The following PTK2 variants were observed in gnomAD, a reference collection of about 807,000 sequenced individuals.
PTK2 encodes the protein focal adhesion kinase 1.
A neutral mutation model predicts 150.1 loss-of-function variants in PTK2; 45 were observed. The ratio of observed to expected loss-of-function variants is 0.30; its 90% confidence interval spans 0.24 to 0.38. The LOEUF (loss-of-function observed/expected upper bound fraction) is 0.38. Among genes scored for constraint, PTK2 ranks in the 10% least tolerant of loss-of-function variants. The pLI, the probability that PTK2 is intolerant of heterozygous loss-of-function variation, is 1.00. For missense variants in PTK2, 919 were observed against 1,307.3 expected (o/e 0.70, Z 4.58); for synonymous variants, 432 against 449.2 (o/e 0.96, Z 0.48).
intron 16 of PTK2, among the ~76,000 whole-genome samples, chr8:140,758,103 T>G (rs1433206161): frequency 6.6e-6 from 1 of 152,186 alleles, no homozygotes; most frequent in Non-Finnish European, 1.5e-5. Flanking sequence ...TACTTATTTA[T>G]TTTTTAGAGG....
chr8:140,893,604 AT>A (rs890446323), intron 2 of PTK2, among the ~76,000 whole-genome samples: 1 of 152,182 alleles, frequency 6.6e-6, no homozygotes, highest in Non-Finnish European at 1.5e-5. Context: ...AAGAAAGTAG[AT>A]TACTGGCTGC....
chr8:140,966,609 G>C (rs2154609531), intron 1 of PTK2, among the ~76,000 whole-genome samples: 1 of 152,254 alleles, frequency 6.6e-6, no homozygotes, highest in South Asian at 2.1e-4. Context: ...AACTAGCTCA[G>C]AGTATAAAGT....
intron 23 of PTK2, among the ~76,000 whole-genome samples, chr8:140,708,503 C>G (rs1241984365): frequency 6.6e-6 from 1 of 152,186 alleles, no homozygotes. Context: ...GGTACTTTTG[C>G]ACTTGCTCTA....
chr8:140,675,788 G>A (rs147493238), intron 27 of PTK2: 77 of 273,708 alleles, frequency 2.8e-4, no homozygotes, highest in African/African-American at 1.7e-3. Flanking sequence ...TTACACAGCT[G>A]AGGAGAATGT....
chr8:140,706,013 A>C, intron 24 of PTK2, 106 bp downstream of exon 27: 2 of 903,784 alleles, frequency 2.2e-6, no homozygotes, highest in African/African-American at 1.6e-5. Context: ...TATCGGCCAA[A>C]TCATACTCAT....
chr8:140,791,195 G>C (rs2100088235), intron 13 of PTK2, among the ~76,000 whole-genome samples: 1 of 151,926 alleles, frequency 6.6e-6, no homozygotes, highest in African/African-American at 2.4e-5. Context: ...TTAAGAAATG[G>C]GGTGGAGTCT....
intron 3 of PTK2, among the ~76,000 whole-genome samples, chr8:140,881,655 G>C (rs1442174219): frequency 6.6e-6 from 1 of 152,192 alleles, no homozygotes; most frequent in East Asian, 1.9e-4. Flanking sequence ...ATATAAGGCA[G>C]TAAGGAACAC....
intron 29 of PTK2, among the ~76,000 whole-genome samples, chr8:140,672,748 A>C (rs2100011338): frequency 6.6e-6 from 1 of 152,152 alleles, no homozygotes; most frequent in Non-Finnish European, 1.5e-5. Context: ...CTTTCTGATG[A>C]CTCTGAGAAG....
At chr8:140,827,437 A>C (rs143895713) in intron 8 of PTK2, among the ~76,000 whole-genome samples, 4 of 152,218 alleles carry the variant, frequency 2.6e-5, no homozygotes, top group African/African-American at 9.6e-5. Flanking sequence ...GAAAAAAAGC[A>C]CATGGGCATC....
At chr8:140,979,002 C>T (rs1398794909) in intron 1 of PTK2, among the ~76,000 whole-genome samples, 3 of 151,200 alleles carry the variant, frequency 2.0e-5, no homozygotes, top group Non-Finnish European at 2.9e-5. Flanking sequence ...AGCAAACTAT[C>T]GCAAGGACAA....
At chr8:140,786,169 C>G (rs1057390033) in intron 14 of PTK2, among the ~76,000 whole-genome samples, 3 of 152,170 alleles carry the variant, frequency 2.0e-5, no homozygotes, top group South Asian at 4.1e-4. Context: ...TCTCTTCAAT[C>G]CCGCAGGGCT....
intron 1 of PTK2, 139 bp downstream of exon 1, chr8:141,000,986 C>G (rs2100200019): frequency 1.3e-5 from 2 of 152,042 alleles, no homozygotes; most frequent in Admixed American, 1.3e-4. Flanking sequence ...CCGGTCTCCG[C>G]CGCATCCGCC....
rs2100114633 is a variant in PTK2 at position 140,830,326 on chromosome 8, C to A, written c.648+146G>T. ...AAAAACCTATTTGCCATTAATGTGACTAGAATAAATGTCAGCTTTTTAAAT... is the reference window on the plus strand; with the variant it reads ...AAAAACCTATTTGCCATTAATGTGAATAGAATAAATGTCAGCTTTTTAAAT... On this transcript the variant is annotated intron_variant, in intron 8 of 31. Coordinates refer to ENST00000522684, the Ensembl canonical transcript of PTK2. The A allele has an allele frequency of 5.1e-6, 3 of 585,874 alleles. No individual in the cohort carries two copies. The South Asian group carries it at 6.3e-5, about 12-fold the overall frequency. The allele number at this position is 585,874 out of a possible 1,614,324, so 36.3% of individuals were successfully genotyped here.
At chr8:140,894,494 C>T (rs972876273) in intron 2 of PTK2, among the ~76,000 whole-genome samples, 2 of 151,998 alleles carry the variant, frequency 1.3e-5, no homozygotes, top group African/African-American at 4.8e-5. Flanking sequence ...TCATGGGAGA[C>T]TAATAGAGTA....
intron 1 of PTK2, among the ~76,000 whole-genome samples, chr8:140,967,704 C>T (rs950234871): frequency 6.6e-6 from 1 of 151,992 alleles, no homozygotes; most frequent in East Asian, 1.9e-4. Flanking sequence ...GTGATCTGCC[C>T]GCCTCGGCCT....
At chr8:140,876,758 TTC>T (rs918167800) in intron 4 of PTK2, among the ~76,000 whole-genome samples, 114 of 152,290 alleles carry the variant, frequency 7.5e-4, no homozygotes, top group African/African-American at 2.6e-3. Context: ...GGAAAATTTT[TTC>T]TCTTGTTTAC....
At chr8:140,891,018 G>A (rs1194875238) in intron 2 of PTK2, among the ~76,000 whole-genome samples, 1 of 152,052 alleles carries the variant, frequency 6.6e-6, no homozygotes, top group African/African-American at 2.4e-5. Flanking sequence ...TCCAATTTCA[G>A]CTGTGTCAAA....
chr8:140,760,302 A>G (rs146426169), intron 16 of PTK2, among the ~76,000 whole-genome samples: 1 of 152,338 alleles, frequency 6.6e-6, no homozygotes, highest in Non-Finnish European at 1.5e-5. Flanking sequence ...AAACATTTTA[A>G]TAGTCAAAAA....
chr8:140,904,335 G>A (rs1601885291), intron 2 of PTK2, among the ~76,000 whole-genome samples: 6 of 152,156 alleles, frequency 3.9e-5, no homozygotes, highest in South Asian at 4.1e-4. Flanking sequence ...CCTTGCATCC[G>A]AGGGATGAAG....
Sources: gnomAD v4.1 joint callset for allele counts (sites outside exome capture counted in the v4.1 genomes callset) on GRCh38, gnomAD v4.1.1 for gene constraint, MANE v1.5 for transcripts, NCBI Gene and HGNC (gene_info 2026-07-23, HGNC 2026-07-21) for gene names.